The following CSF1R variants were observed in gnomAD, a reference collection of about 807,000 sequenced individuals.
CSF1R encodes the protein colony stimulating factor 1 receptor.
In CSF1R, 40 loss-of-function variants were observed where a neutral mutation model predicts 110.0. The ratio of observed to expected loss-of-function variants is 0.36; its 90% CI spans 0.28 to 0.47. The LOEUF (loss-of-function observed/expected upper bound fraction) is 0.47, where lower values mean the gene tolerates loss of function less well. Among genes scored for constraint, CSF1R ranks in the 20% least tolerant of loss-of-function variants. The pLI is 0.99. For synonymous variants in CSF1R, 523 were observed against 503.4 expected (o/e 1.04, Z -0.52); for missense variants, 1,052 against 1,253.0 (o/e 0.84, Z 2.42).
chr5:150,092,654 C>A (rs1759084764), intron 1 of CSF1R, among the ~76,000 whole-genome samples: 1 of 152,142 alleles, frequency 6.6e-6, no homozygotes, highest in Non-Finnish European at 1.5e-5. Flanking sequence ...ATTTATAAAA[C>A]CATCAGATCT....
intron 14 of CSF1R, 52 bp from the exon 15 acceptor site, chr5:150,057,644 G>T (rs1757291723): frequency 2.1e-6 from 3 of 1,411,728 alleles, no homozygotes; most frequent in Non-Finnish European, 3.0e-6. Context: ...TCACTGCACT[G>T]CTCAGCTCAG....
intron 10 of CSF1R, among the ~76,000 whole-genome samples, chr5:150,065,997 AC>A (rs1368665667): frequency 4.1e-4 from 63 of 152,338 alleles, no homozygotes; most frequent in African/African-American, 1.4e-3. Context: ...GTAAGGAAGA[AC>A]TTTGCAAACA....
intron 1 of CSF1R, among the ~76,000 whole-genome samples, chr5:150,100,078 T>C (rs1009470648): frequency 1.3e-5 from 2 of 152,060 alleles, no homozygotes; most frequent in African/African-American, 4.8e-5. Context: ...CTGGGCACTG[T>C]GGGACGCACC....
At chr5:150,104,569 T>C (rs1322213752) in intron 1 of CSF1R, among the ~76,000 whole-genome samples, 3 of 152,210 alleles carry the variant, frequency 2.0e-5, no homozygotes, top group African/African-American at 4.8e-5. Context: ...GCACGCCCAG[T>C]GCTCTTTGGA....
rs2113793214 is a variant in CSF1R, at chr5:150,061,895, G to A, written c.1627-46C>T. On this transcript the variant is annotated intron_variant, in intron 10 of 20. Transcript: ENST00000675795. ...ACGTGGCAGTCGGGGCTGGCAGGCAGTTCCTGGACCTTGTTTCTGACCCCC... is the reference window on the plus strand; with the variant it reads ...ACGTGGCAGTCGGGGCTGGCAGGCAATTCCTGGACCTTGTTTCTGACCCCC... 1.9e-6 allele frequency: 3 copies of A among 1,612,248 alleles called. No homozygotes were observed. In the South Asian group the frequency reaches 3.3e-5, roughly 18 times the overall value.
chr5:150,071,638 G>T (rs1758036408), intron 6 of CSF1R, among the ~76,000 whole-genome samples: 1 of 152,192 alleles, frequency 6.6e-6, no homozygotes, highest in African/African-American at 2.4e-5. Context: ...TTCTGTGGCT[G>T]TTTGGTGTCC....
Position 150,059,877 on chromosome 5 carries a change from G to A in CSF1R, c.1970-15C>T, listed in dbSNP as rs774384099. The A allele has an allele frequency of 1.9e-6, 3 of 1,597,806 alleles. No homozygotes were observed. The highest frequency in any genetic ancestry group is 2.7e-5 in the African/African-American group (2 of 74,624). ...CAGTACAGGGCCTAGAGCAGCCAAGGGTGTGGGGTGAGGGAGGTGCTGAGT... is the reference window on the plus strand; with the variant it reads ...CAGTACAGGGCCTAGAGCAGCCAAGAGTGTGGGGTGAGGGAGGTGCTGAGT... On this transcript the variant is annotated splice_polypyrimidine_tract_variant and intron_variant, in intron 13 of 20. Coordinates refer to ENST00000675795, the MANE Select transcript of CSF1R (RefSeq NM_001288705.3).
At chr5:150,096,420 C>A (rs1335006525) in intron 1 of CSF1R, among the ~76,000 whole-genome samples, 1 of 152,038 alleles carries the variant, frequency 6.6e-6, no homozygotes, top group Non-Finnish European at 1.5e-5. Context: ...AGAGAGAATA[C>A]CAATTCTACA....
intron 9 of CSF1R, among the ~76,000 whole-genome samples, chr5:150,068,913 T>C (rs1757905149): frequency 6.6e-6 from 1 of 152,196 alleles, no homozygotes; most frequent in Non-Finnish European, 1.5e-5. Flanking sequence ...ATCAGTAACT[T>C]AGATCTGCAG....
rs1758856397 is a variant in CSF1R, at chr5:150,086,551, GT to G, written c.-125del. On this transcript the variant is annotated 5_prime_UTR_variant, in exon 1 of 21. Transcript: ENST00000675795. The stretch of plus-strand genomic sequence containing the variant: ...CACGTTCCTCTCCTCTGCACTGGCT[GT>G]TTGTCTTGTTTTCCTCTTCCTCCTC... 1 of 867,932 alleles carries G rather than the reference GT, an allele frequency of 1.2e-6. No individual in the cohort carries two copies. Among genetic ancestry groups the G allele is most frequent in the Admixed American group, 2.3e-5 (1 of 43,116 alleles). The allele number at this position is 867,932 out of a possible 1,614,324, so 53.8% of individuals were successfully genotyped here. A position where few individuals can be genotyped will look rare whatever the true frequency, so the allele number is the denominator to read the frequency against.
upstream of CSF1R, among the ~76,000 whole-genome samples, chr5:150,088,519 CTT>C (rs528725145): frequency 6.8e-6 from 1 of 146,146 alleles, no homozygotes; most frequent in Non-Finnish European, 1.5e-5. Context: ...CAAACCAAAT[CTT>C]TTTTTTTTTT....
intron 1 of CSF1R, among the ~76,000 whole-genome samples, chr5:150,100,422 C>T (rs1211347506): frequency 6.6e-6 from 1 of 151,418 alleles, no homozygotes; most frequent in Non-Finnish European, 1.5e-5. Context: ...CTCAGCCTCC[C>T]GAGTAGCTGG....
chr5:150,082,800 G>T (rs890260966), intron 1 of CSF1R, among the ~76,000 whole-genome samples: 1 of 152,230 alleles, frequency 6.6e-6, no homozygotes, highest in African/African-American at 2.4e-5. Context: ...TGAGTGAGAT[G>T]ATGTATAGAA....
chr5:150,066,601 G>A (rs2237086), intron 10 of CSF1R, among the ~76,000 whole-genome samples: 11,783 of 152,272 alleles, frequency 0.077, 638 homozygotes, highest in Admixed American at 0.16. Flanking sequence ...ATTGACCGGG[G>A]CTGCCCTCAG....
At chr5:150,074,020 C>T (rs1290531062) in intron 5 of CSF1R, among the ~76,000 whole-genome samples, 2 of 152,128 alleles carry the variant, frequency 1.3e-5, no homozygotes, top group African/African-American at 4.8e-5. Flanking sequence ...ACACTCAATT[C>T]CATGATTTTT....
intron 1 of CSF1R, among the ~76,000 whole-genome samples, chr5:150,111,353 C>T (rs551554689): frequency 6.6e-6 from 1 of 152,200 alleles, no homozygotes; most frequent in South Asian, 2.1e-4. Flanking sequence ...CACCCGTCTT[C>T]CCTGGGCCCG....
rs1399298483 is a variant in CSF1R, at chr5:150,055,352, TC to T, written c.2555-17del. The T allele has an allele frequency of 6.2e-7, 1 of 1,609,992 alleles. No individual in the cohort carries two copies. Among genetic ancestry groups the T allele is most frequent in the Non-Finnish European group, 8.5e-7 (1 of 1,176,368 alleles). ...GGATTCAGCCCTGCAAAGGCCAAGA[TC>T]AGGTAAGAGGCCATGCCCATTGTCT... is the stretch of plus-strand genomic sequence containing the variant. On this transcript the variant is annotated splice_polypyrimidine_tract_variant and intron_variant, in intron 18 of 20. Coordinates refer to ENST00000675795, the MANE Select transcript of CSF1R (RefSeq NM_001288705.3).
In CSF1R at chr5:150,080,223, C is replaced by T. The variant is rs1189317059; in HGVS notation, c.421G>A (p.Val141Met). 6.2e-7 allele frequency: 1 copy of T among 1,613,882 alleles called. No homozygotes were observed. Among genetic ancestry groups the T allele is most frequent in the Non-Finnish European group, 8.5e-7 (1 of 1,180,048 alleles). ...DPVLEAGVSL[V>M]RVRGRPLMRH... is the part of the protein sequence containing the mutation. The stretch of plus-strand genomic sequence containing the variant: ...ATGAGGGGCCGGCCACGCACACGCA[C>T]CAGCGAGACGCCTGCTTCCAGCACC... The change falls in exon 3 of 21, where the codon GTG becomes ATG. Residue 141 changes from valine (V) to methionine (M), a missense_variant. This residue lies in a region of CSF1R where 693 missense variants were observed against 735.4 expected (regional missense o/e 0.94). Transcript: ENST00000675795.
chr5:150,078,313 C>T (rs1758367210), intron 3 of CSF1R, 65 bp from the exon 4 acceptor site: 3 of 1,583,350 alleles, frequency 1.9e-6, no homozygotes, highest in South Asian at 1.1e-5. Context: ...TATTGCTCTC[C>T]TCCCTGCCAT....
Sources: allele counts gnomAD v4.1 joint callset (sites outside exome capture counted in the v4.1 genomes callset), GRCh38; gene constraint gnomAD v4.1.1; regional missense constraint gnomAD v4.1.1; transcripts MANE v1.5; gene names NCBI Gene and HGNC (gene_info 2026-07-23, HGNC 2026-07-21).